Variants in HIGD1C observed in about 807,000 individuals in gnomAD.
HIGD1C encodes HIG1 domain family member 1C.
A neutral mutation model predicts 13.1 loss-of-function variants in HIGD1C; 11 were observed. The ratio of observed to expected loss-of-function variants is 0.84; its 90% CI spans 0.53 to 1.39. The LOEUF (loss-of-function observed/expected upper bound fraction) is 1.39. Among genes scored for constraint, HIGD1C ranks in the 40% most tolerant of loss-of-function variants. HIGD1C has a pLI of 0.00. For synonymous variants in HIGD1C, 36 were observed against 37.7 expected (o/e 0.95, Z 0.17); for missense variants, 110 against 112.0 (o/e 0.98, Z 0.08).
chr12:50,964,334 G>C (rs901000302), intron 2 of HIGD1C, among the ~76,000 whole-genome samples: 1 of 152,176 alleles, frequency 6.6e-6, no homozygotes, highest in African/African-American at 2.4e-5. Context: ...ATGGTTATTT[G>C]ACTGGTGGGG....
chr12:50,944,902 T>C, the HIGD1C span, among the ~76,000 whole-genome samples: 1 of 151,978 alleles, frequency 6.6e-6, no homozygotes, highest in Non-Finnish European at 1.5e-5. Flanking sequence ...AAATAAATAA[T>C]TCATCCCTGG....
upstream of HIGD1C, among the ~76,000 whole-genome samples, chr12:50,951,141 AACT>A (rs1938886587): frequency 6.6e-6 from 1 of 152,216 alleles, no homozygotes; most frequent in African/African-American, 2.4e-5. Flanking sequence ...CCTGTTCAGA[AACT>A]ACTTATTAAT....
chr12:50,968,089 T>C (rs1015640306), intron 2 of HIGD1C, among the ~76,000 whole-genome samples: 1 of 140,348 alleles, frequency 7.1e-6, no homozygotes, highest in African/African-American at 2.9e-5. Flanking sequence ...TTGTCTCAAA[T>C]AATAAGAAGA....
intron 1 of HIGD1C, chr12:50,954,374 T>C (rs1177799473): frequency 6.7e-6 from 2 of 300,484 alleles, no homozygotes; most frequent in South Asian, 1.6e-4. Context: ...ATGGAATAGA[T>C]TGAATGAATA....
intron 2 of HIGD1C, among the ~76,000 whole-genome samples, chr12:50,968,400 T>G (rs73092543): frequency 0.025 from 3,745 of 151,728 alleles, 81 homozygotes; most frequent in Admixed American, 0.054. Flanking sequence ...TGTGTGTGTG[T>G]GGGGGGAGAC....
chr12:50,935,151 T>G, the HIGD1C span: 1 of 152,268 alleles, frequency 6.6e-6, no homozygotes, highest in South Asian at 2.1e-4. Context: ...TCTGTTAAAG[T>G]AATTAAAAGT....
At chr12:50,950,670 A>ATTTTTTTTTT (rs57553489), upstream of HIGD1C, among the ~76,000 whole-genome samples, 3 of 87,672 alleles carry the variant, frequency 3.4e-5, no homozygotes, top group African/African-American at 4.7e-5. Context: ...TGCCCAGCTA[A>ATTTTTTTTTT]TTTTTTTTTT....
chr12:50,964,140 G>A (rs1437368618), intron 2 of HIGD1C, among the ~76,000 whole-genome samples: 2 of 147,240 alleles, frequency 1.4e-5, no homozygotes, highest in Non-Finnish European at 3.1e-5. Flanking sequence ...ATGGACGTGG[G>A]GAATAGAAAA....
chr12:50,934,380 T>A, the HIGD1C span, among the ~76,000 whole-genome samples: 13,047 of 152,202 alleles, frequency 0.086, 797 homozygotes, highest in African/African-American at 0.17. Context: ...CATCTGTAAA[T>A]GGGGGTATCT....
At chr12:50,936,127 C>A in the HIGD1C span, among the ~76,000 whole-genome samples, 1 of 149,230 alleles carries the variant, frequency 6.7e-6, no homozygotes, top group African/African-American at 2.5e-5. Flanking sequence ...CCATTGCACT[C>A]CAGCCTGGGC....
rs1168872544 is a variant in HIGD1C, at chr12:50,965,581, C to T, written c.229+4479C>T. 3.9e-5 allele frequency among the ~76,000 whole-genome samples: 6 copies of T among 152,138 alleles called. No homozygotes were observed. The East Asian group carries it at 9.6e-4, about 24-fold the overall frequency. On this transcript the variant is annotated intron_variant, in intron 2 of 2. Transcript: ENST00000398455. ...GAATAACAGAGAGTGGGTTCAGTGA[C>T]CCACCAGGCTTGACTATGAAACAGA...
chr12:50,947,399 A>T, the HIGD1C span, among the ~76,000 whole-genome samples: 5 of 152,158 alleles, frequency 3.3e-5, no homozygotes, highest in East Asian at 9.7e-4. Context: ...TTCCTTTTCC[A>T]GTTTGTAGAG....
At chr12:50,971,512 C>T (rs529497530), downstream of HIGD1C, among the ~76,000 whole-genome samples, 5 of 152,180 alleles carry the variant, frequency 3.3e-5, no homozygotes, top group South Asian at 2.1e-4. Flanking sequence ...TCCAGAAGTG[C>T]TAATGCTAAT....
downstream of HIGD1C, among the ~76,000 whole-genome samples, chr12:50,972,380 T>A (rs1275847812): frequency 2.0e-5 from 3 of 152,192 alleles, no homozygotes; most frequent in Admixed American, 6.5e-5. Context: ...TATCTATGCA[T>A]GAGAACCTAC....
the HIGD1C span, among the ~76,000 whole-genome samples, chr12:50,946,779 G>A: frequency 6.6e-6 from 1 of 152,262 alleles, no homozygotes; most frequent in East Asian, 1.9e-4. Context: ...GACACAGGGA[G>A]GGATAGCATT....
intron 2 of HIGD1C, among the ~76,000 whole-genome samples, chr12:50,963,996 A>G (rs1939445745): frequency 6.6e-6 from 1 of 152,226 alleles, no homozygotes; most frequent in African/African-American, 2.4e-5. Context: ...AGGATACAGA[A>G]TCCCTTCATA....
chr12:50,959,170 A>C (rs1939227410), intron 1 of HIGD1C, among the ~76,000 whole-genome samples: 1 of 151,878 alleles, frequency 6.6e-6, no homozygotes, highest in African/African-American at 2.4e-5. Flanking sequence ...CCCAGGCAAG[A>C]GTGCAATGGT....
chr12:50,966,754 A>G (rs1173006893), intron 2 of HIGD1C, among the ~76,000 whole-genome samples: 2 of 152,144 alleles, frequency 1.3e-5, no homozygotes. Flanking sequence ...CATTTCATTT[A>G]TGTCTGCCAC....
downstream of HIGD1C, among the ~76,000 whole-genome samples, chr12:50,972,230 T>A (rs1370915404): frequency 6.6e-6 from 1 of 152,224 alleles, no homozygotes; most frequent in Non-Finnish European, 1.5e-5. Flanking sequence ...GCACTAAAAA[T>A]AGATTAAGAG....
Sources: gnomAD v4.1 joint callset for allele counts (sites outside exome capture counted in the v4.1 genomes callset) on GRCh38, gnomAD v4.1.1 for gene constraint, MANE v1.5 for transcripts, NCBI Gene and HGNC (gene_info 2026-07-23, HGNC 2026-07-21) for gene names.